PHLDB2: variants seen among roughly 807,000 people sequenced by gnomAD.
PHLDB2 encodes the protein pleckstrin homology like domain family B member 2.
A neutral mutation model predicts 123.6 loss-of-function variants in PHLDB2; 71 were observed. That is an observed-to-expected ratio of 0.57 (90% CI 0.47 to 0.70). The LOEUF (loss-of-function observed/expected upper bound fraction) is 0.70, where lower values mean the gene tolerates loss of function less well. PHLDB2 is among the 30% of genes least tolerant of loss of function. The pLI is 0.00. For synonymous variants in PHLDB2, 547 were observed against 541.6 expected (o/e 1.01, Z -0.14); for missense variants, 1,446 against 1,519.5 (o/e 0.95, Z 0.80).
chr3:111,797,113 A>G (rs2061192318), intron 1 of PHLDB2, among the ~76,000 whole-genome samples: 1 of 152,172 alleles, frequency 6.6e-6, no homozygotes, highest in South Asian at 2.1e-4. Context: ...GAAGGCTTTC[A>G]TTGATTACAT....
chr3:111,964,362 CAG>C (rs1336554275), intron 13 of PHLDB2, among the ~76,000 whole-genome samples: 1 of 152,010 alleles, frequency 6.6e-6, no homozygotes, highest in Non-Finnish European at 1.5e-5. Flanking sequence ...ATTTTTGAGA[CAG>C]AGTCTCACTG....
At chr3:111,906,133 AG>A (rs2067518995) in intron 2 of PHLDB2, among the ~76,000 whole-genome samples, 1 of 152,230 alleles carries the variant, frequency 6.6e-6, no homozygotes, top group Admixed American at 6.5e-5. Context: ...GCAAGTTTGT[AG>A]CCTAGGCGCA....
intron 10 of PHLDB2, 114 bp downstream of exon 10, chr3:111,949,189 T>C: frequency 1.6e-6 from 2 of 1,231,306 alleles, no homozygotes; most frequent in Non-Finnish European, 2.3e-6. Context: ...TATATCTGTT[T>C]GGCCAGAGGG....
At chr3:111,771,921 T>C (rs1293164383) in intron 1 of PHLDB2, among the ~76,000 whole-genome samples, 2 of 152,248 alleles carry the variant, frequency 1.3e-5, no homozygotes, top group African/African-American at 4.8e-5. Flanking sequence ...ATTCTTCACA[T>C]GCTTATTTTA....
chr3:111,772,498 A>G (rs970225714), intron 1 of PHLDB2, among the ~76,000 whole-genome samples: 1 of 152,126 alleles, frequency 6.6e-6, no homozygotes, highest in Non-Finnish European at 1.5e-5. Flanking sequence ...TTTAACCCCA[A>G]AGCTGGAGGG....
In PHLDB2 at chr3:111,831,576, A is replaced by G. The variant is rs1205014062; in HGVS notation, c.-48-14245A>G. On this transcript the variant is annotated intron_variant, in intron 1 of 17. Coordinates refer to the PHLDB2 transcript ENST00000393923. ...AATACCCCATGTGGGATCCATTTTT[A>G]TAATGTGCTTACCCTATATTTAATA... 4.6e-5 allele frequency among the ~76,000 whole-genome samples: 7 copies of G among 152,180 alleles called. No homozygotes were observed. The East Asian group carries it at 1.3e-3, about 29-fold the overall frequency.
intron 2 of PHLDB2, among the ~76,000 whole-genome samples, chr3:111,849,962 C>T (rs965442617): frequency 2.0e-5 from 3 of 151,660 alleles, no homozygotes; most frequent in Non-Finnish European, 4.4e-5. Context: ...CCCGGGTTCA[C>T]GCCATTCTCC....
At chr3:111,769,877 G>A (rs1159025761) in intron 1 of PHLDB2, among the ~76,000 whole-genome samples, 2 of 152,194 alleles carry the variant, frequency 1.3e-5, no homozygotes, top group East Asian at 3.8e-4. Flanking sequence ...GATTAAGAAT[G>A]CTGCTGGGTT....
intron 1 of PHLDB2, among the ~76,000 whole-genome samples, chr3:111,818,580 C>T (rs964023818): frequency 2.0e-5 from 3 of 152,142 alleles, no homozygotes; most frequent in African/African-American, 7.2e-5. Context: ...TCCACAATGC[C>T]ATACACTGTC....
intron 1 of PHLDB2, among the ~76,000 whole-genome samples, chr3:111,864,598 C>A (rs979557818): frequency 4.6e-5 from 7 of 152,126 alleles, no homozygotes; most frequent in African/African-American, 1.7e-4. Flanking sequence ...ATAAGAGAAA[C>A]CCAAGTGTAA....
At chr3:111,805,998 G>A (rs749209404) in intron 1 of PHLDB2, among the ~76,000 whole-genome samples, 73 of 150,508 alleles carry the variant, frequency 4.9e-4, no homozygotes, top group African/African-American at 1.6e-3. Flanking sequence ...TTGGTCAAGA[G>A]TTATCAATTG....
rs546890583 is a variant in PHLDB2 at position 111,829,979 on chromosome 3, C to T, written c.-48-15842C>T. On this transcript the variant is annotated intron_variant, in intron 1 of 17. Coordinates refer to the PHLDB2 transcript ENST00000393923. ...ACACACACACACACACACAGCAAAA[C>T]CAAGAATTCCTAAAAGATTTAGATT... Among the ~76,000 whole-genome samples the T allele has an allele frequency of 4.7e-4, 51 of 108,422 alleles. 2 individuals are homozygous for T. The highest frequency in any genetic ancestry group is 3.1e-3 in the African/African-American group (50 of 16,238). The allele number at this position is 108,422 out of a possible 152,430, so 71.1% of individuals were successfully genotyped here. A position where few individuals can be genotyped will look rare whatever the true frequency, so the allele number is the denominator to read the frequency against.
rs1559855393 is a variant in PHLDB2 at position 111,831,034 on chromosome 3, G to GAAAGAAAAGAAAGAAAGAAAGAAAGA, written c.-48-14785_-48-14784insAGAAAAGAAAGAAAGAAAGAAAGAAA. Among the ~76,000 whole-genome samples the GAAAGAAAAGAAAGAAAGAAAGAAAGA allele has an allele frequency of 7.3e-3, 339 of 46,168 alleles. 23 individuals are homozygous for GAAAGAAAAGAAAGAAAGAAAGAAAGA. The highest frequency in any genetic ancestry group is 9.7e-3 in the African/African-American group (117 of 12,052). 30.3% of individuals were successfully genotyped at this position (46,168 alleles called of 152,430 possible). On this transcript the variant is annotated intron_variant, in intron 1 of 17. Transcript: ENST00000393923. The stretch of plus-strand genomic sequence containing the variant: ...GAAAGAAAGAAAGAAAGAAAGAAAG[G>GAAAGAAAAGAAAGAAAGAAAGAAAGA]AAGGAAGGAAGAAAGAGAAAAGAGA...
intron 1 of PHLDB2, among the ~76,000 whole-genome samples, chr3:111,750,803 G>A (rs1487044800): frequency 4.6e-5 from 7 of 151,906 alleles, no homozygotes; most frequent in Middle Eastern, 3.2e-3. Flanking sequence ...AAAATTAGCC[G>A]GGCATGGTGG....
chr3:111,814,554 T>C (rs894517523), intron 1 of PHLDB2, among the ~76,000 whole-genome samples: 7 of 151,982 alleles, frequency 4.6e-5, no homozygotes, highest in Non-Finnish European at 8.8e-5. Flanking sequence ...CCCCATGATG[T>C]TAAGTTTTCT....
intron 1 of PHLDB2, among the ~76,000 whole-genome samples, chr3:111,872,046 G>A (rs1051375252): frequency 6.6e-6 from 1 of 152,184 alleles, no homozygotes; most frequent in Non-Finnish European, 1.5e-5. Flanking sequence ...AAGAGCACTG[G>A]GTGGATTTAA....
At chr3:111,780,188 T>C (rs1483422801) in intron 1 of PHLDB2, among the ~76,000 whole-genome samples, 2 of 149,724 alleles carry the variant, frequency 1.3e-5, no homozygotes, top group East Asian at 3.9e-4. Context: ...AAAGAGAAGG[T>C]TCGGCAATAA....
In PHLDB2 at chr3:111,885,332, A is replaced by G. The variant is rs1176562238; in HGVS notation, c.1255A>G (p.Ile419Val). 2.2e-5 allele frequency: 36 copies of G among 1,614,048 alleles called. No homozygotes were observed. Among genetic ancestry groups the G allele is most frequent in the Non-Finnish European group, 2.8e-5 (33 of 1,180,044 alleles). The part of the protein sequence containing the change: ...LRERKSSISS[I>V]SGRDDLMDYH... ...GGAACGGAAAAGCAGTATTAGCTCC[A>G]TTTCAGGACGTGATGACCTGATGGA... The change falls in exon 2 of 18, where the codon ATT becomes GTT. Residue 419 changes from isoleucine to valine, a missense_variant. By Grantham distance (29) the Ile-to-Val change is conservative (BLOSUM62 3). Coordinates refer to ENST00000431670, the MANE Select transcript of PHLDB2 (RefSeq NM_001134438.2).
intron 1 of PHLDB2, among the ~76,000 whole-genome samples, chr3:111,772,342 A>G (rs998518248): frequency 7.9e-5 from 12 of 152,224 alleles, no homozygotes; most frequent in Non-Finnish European, 7.4e-5. Flanking sequence ...TAAATAAATT[A>G]TATTTAGACT....
Sources: allele counts gnomAD v4.1 joint callset (sites outside exome capture counted in the v4.1 genomes callset), GRCh38; gene constraint gnomAD v4.1.1; transcripts MANE v1.5; gene names NCBI Gene and HGNC (gene_info 2026-07-23, HGNC 2026-07-21).